The following KANK1 variants were observed in gnomAD, a reference collection of about 807,000 sequenced individuals.
KANK1 encodes the protein KN motif and ankyrin repeat domain-containing protein 1.
In KANK1, 109 loss-of-function variants were observed where a neutral mutation model predicts 106.2. That is an observed-to-expected ratio of 1.03 (90% CI 0.88 to 1.20). The LOEUF (loss-of-function observed/expected upper bound fraction) is 1.20, where lower values mean the gene tolerates loss of function less well. KANK1 is among the 50% of genes most tolerant of loss of function. The probability of loss-of-function intolerance (pLI) is 0.00; values close to 1 mark genes in which losing one functional copy is unlikely to be tolerated. For missense variants in KANK1, 2,399 were observed against 1,710.7 expected, an observed-to-expected ratio of 1.40 and a Z score of -7.10; for synonymous variants, 873 against 652.2, an observed-to-expected ratio of 1.34 and a Z score of -5.16.
At chr9:551,483 T>C (rs143069488) in intron 1 of KANK1, among the ~76,000 whole-genome samples, 1 of 152,306 alleles carries the variant, frequency 6.6e-6, no homozygotes, top group East Asian at 1.9e-4. Flanking sequence ...TTACTTTTCA[T>C]CTGACAATAT....
chr9:526,748 A>G (rs1314387987), intron 1 of KANK1, among the ~76,000 whole-genome samples: 1 of 151,654 alleles, frequency 6.6e-6, no homozygotes, highest in African/African-American at 2.4e-5. Context: ...CCATAAGAAA[A>G]TGCTGATATT....
intron 2 of KANK1, among the ~76,000 whole-genome samples, chr9:472,225 C>CT (rs1255074563): frequency 7.9e-5 from 12 of 152,330 alleles, no homozygotes; most frequent in Admixed American, 7.8e-4. Flanking sequence ...ACCAGTTTCC[C>CT]TGACCTCCCC....
At chr9:694,770 A>G (rs1417866687) in intron 2 of KANK1, among the ~76,000 whole-genome samples, 24 of 152,066 alleles carry the variant, frequency 1.6e-4, no homozygotes, top group Non-Finnish European at 2.5e-4. Context: ...CCCAGAGTAG[A>G]ATTGGCAATA....
At position 745,474 on chromosome 9, in the gene KANK1, G is replaced by A; in HGVS notation, c.*239G>A. On this transcript the variant is annotated 3_prime_UTR_variant, in exon 12 of 12. Coordinates refer to ENST00000382297, the MANE Select transcript of KANK1 (RefSeq NM_015158.5). Reference sequence around the variant, plus strand: ...CTTTAACCCAGTCTCTGTTGCTGTTGAGTCTCTGCTCCGTTTTGTACAGTC... The same window carrying A: ...CTTTAACCCAGTCTCTGTTGCTGTTAAGTCTCTGCTCCGTTTTGTACAGTC... 1 of 440,562 alleles carries A rather than the reference G, an allele frequency of 2.3e-6. No individual in the cohort carries two copies. The highest frequency in any genetic ancestry group is 4.1e-6 in the Non-Finnish European group (1 of 244,878). The allele number at this position is 440,562 out of a possible 1,614,324, so 27.3% of individuals were successfully genotyped here.
intron 1 of KANK1, among the ~76,000 whole-genome samples, chr9:584,725 G>A (rs1174115581): frequency 6.6e-6 from 1 of 152,188 alleles, no homozygotes; most frequent in African/African-American, 2.4e-5. Flanking sequence ...GGCGGGAAGG[G>A]TTTGCAGTCA....
At chr9:496,415 A>G (rs1351927698) in intron 3 of KANK1, among the ~76,000 whole-genome samples, 1 of 152,110 alleles carries the variant, frequency 6.6e-6, no homozygotes, top group Non-Finnish European at 1.5e-5. Flanking sequence ...TTAGCTGGGC[A>G]TGGTGGCACA....
At chr9:492,917 G>T (rs11794292) in intron 3 of KANK1, among the ~76,000 whole-genome samples, 1 of 151,756 alleles carries the variant, frequency 6.6e-6, no homozygotes, top group African/African-American at 2.4e-5. Context: ...CCAGCTACTC[G>T]GGAGGCTGAG....
intron 4 of KANK1, chr9:730,928 T>G: frequency 3.0e-6 from 1 of 330,704 alleles, no homozygotes; most frequent in South Asian, 3.6e-5. Context: ...GGCTTTGTTA[T>G]GTCTGGAAGG....
intron 1 of KANK1, among the ~76,000 whole-genome samples, chr9:548,783 A>C (rs959841610): frequency 6.6e-6 from 1 of 152,220 alleles, no homozygotes; most frequent in Admixed American, 6.5e-5. Flanking sequence ...TTTATGTAAT[A>C]AAAATAAAAT....
chr9:726,292 T>TA (rs766190908), intron 3 of KANK1, among the ~76,000 whole-genome samples: 7 of 152,160 alleles, frequency 4.6e-5, no homozygotes, highest in African/African-American at 9.7e-5. Flanking sequence ...CTGATTTGTG[T>TA]GATGTATCAT....
chr9:478,262 C>G (rs2132113208), intron 3 of KANK1: 1 of 153,002 alleles, frequency 6.5e-6, no homozygotes, highest in South Asian at 2.1e-4. Context: ...ACTGCCCAGT[C>G]TGTGAGCTCC....
intron 3 of KANK1, among the ~76,000 whole-genome samples, chr9:483,714 GAA>G (rs1362571082): frequency 3.3e-5 from 5 of 152,194 alleles, no homozygotes; most frequent in Non-Finnish European, 7.3e-5. Flanking sequence ...GGTTATATGA[GAA>G]AATGTATTCT....
intron 1 of KANK1, among the ~76,000 whole-genome samples, chr9:608,375 G>A (rs1829815941): frequency 2.0e-5 from 3 of 151,658 alleles, no homozygotes; most frequent in Admixed American, 2.0e-4. Flanking sequence ...CATTCTACGT[G>A]ACCATAGACC....
At chr9:542,759 A>G (rs1441172109) in intron 1 of KANK1, among the ~76,000 whole-genome samples, 2 of 152,224 alleles carry the variant, frequency 1.3e-5, no homozygotes, top group Non-Finnish European at 2.9e-5. Context: ...AGCAATATAG[A>G]TGAACCTATT....
At chr9:542,330 C>G (rs544525301) in intron 1 of KANK1, among the ~76,000 whole-genome samples, 1 of 152,328 alleles carries the variant, frequency 6.6e-6, no homozygotes, top group East Asian at 1.9e-4. Flanking sequence ...AAAACCTCGT[C>G]TCTACTAAAA....
intron 1 of KANK1, among the ~76,000 whole-genome samples, chr9:628,503 T>G (rs1332154043): frequency 6.6e-6 from 1 of 152,206 alleles, no homozygotes; most frequent in Non-Finnish European, 1.5e-5. Context: ...GAAGTTCATT[T>G]CTTCAGTGTC....
intron 1 of KANK1, among the ~76,000 whole-genome samples, chr9:594,342 A>G (rs1825715926): frequency 6.6e-6 from 1 of 151,968 alleles, no homozygotes; most frequent in African/African-American, 2.4e-5. Context: ...TGATTGACAG[A>G]GGCTGGCTGG....
intron 1 of KANK1, among the ~76,000 whole-genome samples, chr9:628,816 C>A (rs771992454): frequency 6.6e-6 from 1 of 152,066 alleles, no homozygotes; most frequent in African/African-American, 2.4e-5. Flanking sequence ...TGGTGGCTCA[C>A]TCCTGTAATC....
At chr9:493,264 G>T (rs2058406742) in intron 3 of KANK1, among the ~76,000 whole-genome samples, 1 of 152,072 alleles carries the variant, frequency 6.6e-6, no homozygotes, top group Admixed American at 6.5e-5. Context: ...ACTTGGTCTG[G>T]AGAAAACCAG....
Sources: allele counts gnomAD v4.1 joint callset (sites outside exome capture counted in the v4.1 genomes callset), GRCh38; gene constraint gnomAD v4.1.1; transcripts MANE v1.5; gene names NCBI Gene and HGNC (gene_info 2026-07-23, HGNC 2026-07-21).